Variants in GMDS observed in about 807,000 individuals in gnomAD.
The protein encoded by GMDS is GDP-mannose 4,6 dehydratase.
Under a neutral mutation model 49.9 loss-of-function variants are expected in GMDS, and 20 were observed. The ratio of observed to expected loss-of-function variants is 0.40; its 90% confidence interval spans 0.28 to 0.58. GMDS has a LOEUF of 0.58. Among genes scored for constraint, GMDS ranks in the 20% least tolerant of loss-of-function variants. GMDS has a pLI of 0.42. For synonymous variants in GMDS, 177 were observed against 178.6 expected (o/e 0.99, Z 0.07); for missense variants, 362 against 481.4 (o/e 0.75, Z 2.32).
intron 4 of GMDS, among the ~76,000 whole-genome samples, chr6:1,982,032 C>T (rs187249107): frequency 2.0e-5 from 3 of 152,170 alleles, no homozygotes; most frequent in Admixed American, 1.3e-4. Flanking sequence ...TGGCCAGGTG[C>T]GGTGGCTCAC....
intron 4 of GMDS, among the ~76,000 whole-genome samples, chr6:2,000,445 C>T (rs190207499): frequency 6.5e-4 from 99 of 152,218 alleles, no homozygotes; most frequent in African/African-American, 2.4e-3. Flanking sequence ...TCCCCAACCC[C>T]TGTCCCTTCA....
intron 4 of GMDS, among the ~76,000 whole-genome samples, chr6:2,065,493 A>G (rs1214259762): frequency 6.6e-6 from 1 of 152,236 alleles, no homozygotes; most frequent in Non-Finnish European, 1.5e-5. Flanking sequence ...GGACATTCAA[A>G]CCAAAGGCAA....
intron 9 of GMDS, among the ~76,000 whole-genome samples, chr6:1,652,394 A>T (rs866271947): frequency 2.7e-3 from 13 of 4,810 alleles, no homozygotes; most frequent in East Asian, 0.014. Context: ...TATATATATT[A>T]TATATATATA....
At chr6:1,738,455 T>C (rs923137417) in intron 8 of GMDS, among the ~76,000 whole-genome samples, 2 of 152,360 alleles carry the variant, frequency 1.3e-5, no homozygotes, top group East Asian at 3.9e-4. Context: ...AATATCTGTG[T>C]CGATTCTAAA....
chr6:2,235,922 T>C (rs549380738), intron 1 of GMDS, among the ~76,000 whole-genome samples: 3 of 152,256 alleles, frequency 2.0e-5, no homozygotes, highest in South Asian at 2.1e-4. Context: ...GCCAGTTCTC[T>C]ATGGGTCTCT....
rs1378083105 is a variant in GMDS, at chr6:1,875,467, C to T, written c.771+54636G>A. ...GAAAAATTGTAGCACACTCCCCCGC[C>T]GACACACAAATAAAACCCACAGCAC... is the stretch of plus-strand genomic sequence containing the variant. On this transcript the variant is annotated intron_variant, in intron 7 of 10. Transcript: ENST00000380815. Among the ~76,000 whole-genome samples, 7 of 152,142 alleles carry T rather than the reference C, an allele frequency of 4.6e-5. No homozygotes were observed. In the East Asian group the frequency reaches 7.7e-4, roughly 17 times the overall value.
At chr6:2,175,932 C>G in intron 1 of GMDS, 1 of 1,410,088 alleles carries the variant, frequency 7.1e-7, no homozygotes, top group Non-Finnish European at 9.7e-7. Context: ...ATTTTCTCAC[C>G]ATTTTACACA....
chr6:2,043,882 A>C (rs1004403044), intron 4 of GMDS, among the ~76,000 whole-genome samples: 9 of 152,144 alleles, frequency 5.9e-5, no homozygotes, highest in Admixed American at 1.3e-4. Context: ...AAACAACAAC[A>C]ACCCCATTAA....
chr6:2,049,165 T>C (rs575885423), intron 4 of GMDS, among the ~76,000 whole-genome samples: 3 of 152,324 alleles, frequency 2.0e-5, no homozygotes, highest in Admixed American at 6.5e-5. Context: ...AGACACCCAG[T>C]GTGCAGTATT....
At chr6:1,899,566 G>T (rs1403975372) in intron 7 of GMDS, among the ~76,000 whole-genome samples, 2 of 152,168 alleles carry the variant, frequency 1.3e-5, no homozygotes, top group East Asian at 1.9e-4. Context: ...GAGAAAGCCG[G>T]TGGGCCATTC....
intron 9 of GMDS, among the ~76,000 whole-genome samples, chr6:1,710,910 T>C (rs1268238857): frequency 6.6e-6 from 1 of 152,208 alleles, no homozygotes; most frequent in African/African-American, 2.4e-5. Flanking sequence ...TCAGAAATTA[T>C]ACCAATGACA....
chr6:1,815,752 G>C (rs530291124), intron 7 of GMDS, among the ~76,000 whole-genome samples: 19 of 152,126 alleles, frequency 1.2e-4, no homozygotes, highest in Non-Finnish European at 2.6e-4. Context: ...AAATGAAAAG[G>C]AACACAAGAA....
rs556232351 is a variant in GMDS, at chr6:1,720,317, G to A, written c.987+6099C>T. 3.0e-3 allele frequency among the ~76,000 whole-genome samples: 455 copies of A among 152,206 alleles called. 4 individuals carry two copies. The highest frequency in any genetic ancestry group is 5.3e-3 in the Non-Finnish European group (363 of 68,016). ...TTTGTATGCGATCCTATGAAGTATG[G>A]AAAACAAACAGTGGAATATTTAAGA... is the stretch of plus-strand genomic sequence containing the variant. On this transcript the variant is annotated intron_variant, in intron 9 of 10. Coordinates refer to ENST00000380815, the MANE Select transcript of GMDS (RefSeq NM_001500.4).
At chr6:1,695,632 A>C (rs1765311049) in intron 9 of GMDS, among the ~76,000 whole-genome samples, 1 of 152,212 alleles carries the variant, frequency 6.6e-6, no homozygotes, top group South Asian at 2.1e-4. Context: ...TGACAAATGA[A>C]GTCTGGAAGT....
intron 4 of GMDS, among the ~76,000 whole-genome samples, chr6:2,079,733 T>C (rs1038684001): frequency 6.6e-6 from 1 of 152,184 alleles, no homozygotes; most frequent in East Asian, 1.9e-4. Context: ...TTTTTCAGAA[T>C]TCTGTCTTTG....
At chr6:2,208,748 G>C (rs1234114713) in intron 1 of GMDS, among the ~76,000 whole-genome samples, 1 of 151,856 alleles carries the variant, frequency 6.6e-6, no homozygotes, top group Non-Finnish European at 1.5e-5. Context: ...AATTTGAGAA[G>C]CCATAATTTT....
chr6:1,730,069 C>A (rs1766734220), intron 8 of GMDS, among the ~76,000 whole-genome samples: 4 of 152,146 alleles, frequency 2.6e-5, no homozygotes, highest in African/African-American at 7.2e-5. Flanking sequence ...GCAACACACT[C>A]CTCGTAGTGA....
chr6:2,057,155 G>A (rs1020330530), intron 4 of GMDS, among the ~76,000 whole-genome samples: 2 of 152,178 alleles, frequency 1.3e-5, no homozygotes, highest in African/African-American at 4.8e-5. Flanking sequence ...CAGGCCACCA[G>A]CCTTACTTCC....
chr6:2,088,415 C>T (rs1481244891), intron 4 of GMDS, among the ~76,000 whole-genome samples: 2 of 152,136 alleles, frequency 1.3e-5, no homozygotes, highest in African/African-American at 4.8e-5. Context: ...AGAGATAATA[C>T]GTGGAAAGAC....
Sources: gnomAD v4.1 joint callset for allele counts (sites outside exome capture counted in the v4.1 genomes callset) on GRCh38, gnomAD v4.1.1 for gene constraint, MANE v1.5 for transcripts, NCBI Gene and HGNC (gene_info 2026-07-23, HGNC 2026-07-21) for gene names.